The following ZFP69 variants were observed in gnomAD, a reference collection of about 807,000 sequenced individuals.
ZFP69 encodes ZFP69 zinc finger protein.
Under a neutral mutation model 48.9 loss-of-function variants are expected in ZFP69, and 35 were observed. That is an observed-to-expected ratio of 0.72 (90% confidence interval 0.55 to 0.95). The LOEUF is 0.95. ZFP69 is among the 40% of genes least tolerant of loss of function. The pLI, the probability that ZFP69 is intolerant of heterozygous loss-of-function variation, is 0.00. For synonymous variants in ZFP69, 193 were observed against 216.8 expected (o/e 0.89, Z 0.96); for missense variants, 557 against 638.4 (o/e 0.87, Z 1.37).
intron 3 of ZFP69, among the ~76,000 whole-genome samples, chr1:40,486,512 A>T (rs1210319796): frequency 1.6e-5 from 2 of 128,304 alleles, no homozygotes. Context: ...ACTACCTCTC[A>T]GGCTTAAGTG....
intron 5 of ZFP69, 114 bp from the exon 6 acceptor site, chr1:40,494,807 A>G: frequency 1.1e-6 from 1 of 894,790 alleles, no homozygotes; most frequent in Non-Finnish European, 1.6e-6. Flanking sequence ...CAAGCAGCAT[A>G]ATCATATTTA....
At chr1:40,489,024 C>T in intron 3 of ZFP69, 64 bp from the exon 4 acceptor site, 1 of 1,601,632 alleles carries the variant, frequency 6.2e-7, no homozygotes, top group Non-Finnish European at 8.5e-7. Flanking sequence ...AGAATACTGT[C>T]AGAACTCCTT....
At chr1:40,489,312 G>T in intron 4 of ZFP69, 98 bp downstream of exon 4, 16 of 1,477,048 alleles carry the variant, frequency 1.1e-5, no homozygotes, top group Non-Finnish European at 1.5e-5. Context: ...CTTGATTTGG[G>T]TTCTGTATTA....
At chr1:40,482,106 A>G (rs1645448822) in intron 3 of ZFP69, among the ~76,000 whole-genome samples, 1 of 151,218 alleles carries the variant, frequency 6.6e-6, no homozygotes, top group Admixed American at 6.6e-5. Context: ...GTATGATGCT[A>G]CTTTCTATAA....
At position 40,496,324 on chromosome 1, in the gene ZFP69, T is replaced by G. The variant is rs1645635326; in HGVS notation, c.*265T>G. 1 of 295,102 alleles carries G rather than the reference T, an allele frequency of 3.4e-6. No individual in the cohort carries two copies. The highest frequency in any genetic ancestry group is 2.2e-5 in the African/African-American group (1 of 46,296). 18.3% of individuals were successfully genotyped at this position (295,102 alleles called of 1,614,324 possible). ...TTTTTCTGATTTCATGGTGGATTAA[T>G]AAATTATTCTTCATGGGTATTCATG... On this transcript the variant is annotated 3_prime_UTR_variant, in exon 6 of 6. Coordinates refer to ENST00000372706, the MANE Select transcript of ZFP69 (RefSeq NM_001320179.2).
rs1316408332 is a variant in ZFP69 at position 40,495,005 on chromosome 1, A to G, written c.527A>G (p.Glu176Gly). 1 of 1,613,904 alleles carries G rather than the reference A, an allele frequency of 6.2e-7. No individual in the cohort carries two copies. Among genetic ancestry groups the G allele is most frequent in the Non-Finnish European group, 8.5e-7 (1 of 1,179,996 alleles). ...QERLYHGIMM[E>G]SFMRDDIIYS... is the part of the protein sequence containing the mutation. ...CGCTTATATCATGGCATTATGATGGAAAGTTTCATGAGGGATGATATAATT... is the reference window on the plus strand; with the variant it reads ...CGCTTATATCATGGCATTATGATGGGAAGTTTCATGAGGGATGATATAATT... The change falls in exon 6 of 6, where the codon GAA (glutamate) becomes GGA (glycine). Residue 176 changes from glutamate (E) to glycine (G), a missense_variant. Transcript: ENST00000372706.
At position 40,495,170 on chromosome 1, in the gene ZFP69, T is replaced by C. The variant is rs764636898; in HGVS notation, c.692T>C (p.Ile231Thr). Residue 231 changes from isoleucine to threonine, a missense_variant, in exon 6 of 6, where the codon ATT becomes ACT. Coordinates refer to ENST00000372706, the MANE Select transcript of ZFP69 (RefSeq NM_001320179.2). ...QETNKFGENIIVHSNVIIEQR... is the reference protein window; with the variant it reads ...QETNKFGENITVHSNVIIEQR... ...ACTAACAAATTTGGGGAAAATATCA[T>C]TGTGCATTCAAATGTTATTATTGAA... 6.2e-7 allele frequency: 1 copy of C among 1,614,140 alleles called. No individual in the cohort carries two copies. The highest frequency in any genetic ancestry group is 8.5e-7 in the Non-Finnish European group (1 of 1,180,004).
chr1:40,486,354 T>C (rs1178044275), intron 3 of ZFP69, among the ~76,000 whole-genome samples: 1 of 152,152 alleles, frequency 6.6e-6, no homozygotes, highest in African/African-American at 2.4e-5. Flanking sequence ...TATTCCCTCT[T>C]CTGAGATTGC....
chr1:40,484,096 A>G (rs140148324), intron 3 of ZFP69, among the ~76,000 whole-genome samples: 104 of 152,278 alleles, frequency 6.8e-4, no homozygotes, highest in African/African-American at 2.5e-3. Context: ...AATAAATAAA[A>G]TAAATAAAAC....
At position 40,479,328 on chromosome 1, in the gene ZFP69, A is replaced by G; in HGVS notation, c.-34A>G. On this transcript the variant is annotated 5_prime_UTR_variant, in exon 2 of 6. Coordinates refer to ENST00000372706, the MANE Select transcript of ZFP69 (RefSeq NM_001320179.2). ...ATCAAGAGCTTCTGGCAATTTCCTC[A>G]CCAGAAGTGGACAAGTCCAGTAAGG... 6.2e-7 allele frequency: 1 copy of G among 1,611,632 alleles called. No homozygotes were observed. Among genetic ancestry groups the G allele is most frequent in the Non-Finnish European group, 8.5e-7 (1 of 1,178,966 alleles).
intron 4 of ZFP69, 38 bp downstream of exon 4, chr1:40,489,252 A>G (rs1645538174): frequency 6.2e-7 from 1 of 1,602,348 alleles, no homozygotes; most frequent in Non-Finnish European, 8.5e-7. Flanking sequence ...AAACCCACCC[A>G]TTACAGGAGA....
chr1:40,479,596 G>C, intron 2 of ZFP69, 108 bp downstream of exon 2: 2 of 1,384,552 alleles, frequency 1.4e-6, no homozygotes, highest in South Asian at 3.0e-5. Context: ...GGTCTCTGGG[G>C]GTTCATTCTT....
At chr1:40,478,770 T>TA (rs1186610456) in intron 1 of ZFP69, among the ~76,000 whole-genome samples, 1 of 152,160 alleles carries the variant, frequency 6.6e-6, no homozygotes, top group Non-Finnish European at 1.5e-5. Flanking sequence ...ATAGAGCTTT[T>TA]AAGTGCAAGT....
chr1:40,491,744 G>GA (rs1237291729), intron 5 of ZFP69, among the ~76,000 whole-genome samples: 1 of 140,624 alleles, frequency 7.1e-6, no homozygotes, highest in Admixed American at 7.6e-5. Flanking sequence ...TTGATTGGTA[G>GA]AAAAAAATGT....
At chr1:40,482,917 G>A (rs978074238) in intron 3 of ZFP69, among the ~76,000 whole-genome samples, 6 of 152,176 alleles carry the variant, frequency 3.9e-5, no homozygotes, top group African/African-American at 1.2e-4. Context: ...AGTAATTGAT[G>A]TAACCAGTAG....
rs537310236 is a variant in ZFP69, at chr1:40,495,491, A to G, written c.1013A>G (p.His338Arg). The change falls in exon 6 of 6, where the codon CAT becomes CGT. Residue 338 changes from histidine (H) to arginine (R), a missense_variant. Physicochemically the swap from His to Arg is conservative, Grantham distance 29. Coordinates refer to ENST00000372706, the MANE Select transcript of ZFP69 (RefSeq NM_001320179.2). ...GAGGAATGTGGGAAAGCCTTCAGAC[A>G]TCGCTCATCACTTAATCAGCATCAT... is the stretch of plus-strand genomic sequence containing the variant. ...ECEECGKAFR[H>R]RSSLNQHHRT... The G allele has an allele frequency of 3.1e-6, 5 of 1,614,054 alleles. No individual in the cohort carries two copies. Among genetic ancestry groups the G allele is most frequent in the Non-Finnish European group, 4.2e-6 (5 of 1,180,018 alleles).
intron 3 of ZFP69, among the ~76,000 whole-genome samples, chr1:40,488,188 CAT>C (rs367590042): frequency 0.15 from 22,218 of 150,030 alleles, 1,769 homozygotes; most frequent in Middle Eastern, 0.23. Flanking sequence ...CACACACACA[CAT>C]AGTTTATTCA....
intron 5 of ZFP69, among the ~76,000 whole-genome samples, chr1:40,490,588 C>G (rs1431052662): frequency 6.6e-6 from 1 of 152,192 alleles, no homozygotes; most frequent in African/African-American, 2.4e-5. Context: ...GGCTGCCAAT[C>G]TAAAGCTTTC....
At position 40,489,176 on chromosome 1, in the gene ZFP69, A is replaced by G. The variant is rs1224573004; in HGVS notation, c.308A>G (p.Glu103Gly). The change falls in exon 4 of 6, where the codon GAG (glutamate) becomes GGG (glycine). Residue 103 changes from glutamate to glycine, a missense_variant. Coordinates refer to ENST00000372706, the MANE Select transcript of ZFP69 (RefSeq NM_001320179.2). Reference protein sequence around the residue: ...LAPAHQNLYREVMLENYSNLV... With the variant: ...LAPAHQNLYRGVMLENYSNLV... The stretch of plus-strand genomic sequence containing the variant: ...CCTGCTCACCAGAATCTATACCGAG[A>G]GGTGATGCTGGAGAACTACAGCAAC... 1 of 1,614,148 alleles carries G rather than the reference A, an allele frequency of 6.2e-7. No homozygotes were observed. The highest frequency in any genetic ancestry group is 8.5e-7 in the Non-Finnish European group (1 of 1,180,002).
Sources: gnomAD v4.1 joint callset for allele counts (sites outside exome capture counted in the v4.1 genomes callset) on GRCh38, gnomAD v4.1.1 for gene constraint, MANE v1.5 for transcripts, NCBI Gene and HGNC (gene_info 2026-07-23, HGNC 2026-07-21) for gene names.